The following SCAP variants were observed in gnomAD, a reference collection of about 807,000 sequenced individuals.
SCAP encodes sterol regulatory element-binding protein cleavage-activating protein.
Under a neutral mutation model 123.6 loss-of-function variants are expected in SCAP, and 65 were observed. That is an observed-to-expected ratio of 0.53 (90% confidence interval 0.43 to 0.65). The LOEUF (loss-of-function observed/expected upper bound fraction) is 0.65, where lower values mean the gene tolerates loss of function less well. SCAP is among the 30% of genes least tolerant of loss of function. The probability of loss-of-function intolerance (pLI) is 0.00; values close to 1 mark genes in which losing one functional copy is unlikely to be tolerated. For synonymous variants in SCAP, 740 were observed against 726.3 expected, an observed-to-expected ratio of 1.02 and a Z score of -0.30; for missense variants, 1,398 against 1,712.5, an observed-to-expected ratio of 0.82 and a Z score of 3.24.
chr3:47,422,673 C>A, intron 9 of SCAP, 137 bp from the exon 10 acceptor site: 2 of 646,932 alleles, frequency 3.1e-6, no homozygotes, highest in Admixed American at 2.9e-5. Flanking sequence ...CACCAAAGCA[C>A]CCCAACCCTC....
chr3:47,465,274 G>A (rs1034391950), intron 1 of SCAP, among the ~76,000 whole-genome samples: 2 of 151,742 alleles, frequency 1.3e-5, no homozygotes, highest in African/African-American at 2.4e-5. Context: ...AGGTTCAAGC[G>A]ATTCTCCTGT....
At position 47,413,780 on chromosome 3, in the gene SCAP, C is replaced by A. The variant is rs1705418966; in HGVS notation, c.*74G>T. The A allele has an allele frequency of 6.5e-7, 1 of 1,540,444 alleles. No individual in the cohort carries two copies. ...CGGCTGGAAGATACTCGGCTCTTTCCCCCAAGTCCAGGTTCAGTGCATTGG... is the reference window on the plus strand; with the variant it reads ...CGGCTGGAAGATACTCGGCTCTTTCACCCAAGTCCAGGTTCAGTGCATTGG... On this transcript the variant is annotated 3_prime_UTR_variant, in exon 23 of 23. Coordinates refer to ENST00000265565, the MANE Select transcript of SCAP (RefSeq NM_012235.4).
chr3:47,435,241 A>T, intron 2 of SCAP, 104 bp from the exon 3 acceptor site: 1 of 1,312,236 alleles, frequency 7.6e-7, no homozygotes, highest in South Asian at 1.6e-5. Flanking sequence ...TTCTGTCAGG[A>T]CTGTACAAAT....
In SCAP at chr3:47,425,502, C is replaced by G. The variant is rs754116527; in HGVS notation, c.1020G>C (p.Thr340=). ...GGACCTACCCGCCATTGAGGGTGGGCGTCAGGCCGAAGAGTGTGCAGAGTC... is the reference window on the plus strand; with the variant it reads ...GGACCTACCCGCCATTGAGGGTGGGGGTCAGGCCGAAGAGTGTGCAGAGTC... The part of the protein sequence containing the change: ...SVGLCTLFGL[T]PTLNGGEIFP... Residue 340 remains threonine (T), a synonymous_variant, in exon 8 of 23, where the codon ACG becomes ACC. Coordinates refer to ENST00000265565, the MANE Select transcript of SCAP (RefSeq NM_012235.4). The G allele has an allele frequency of 1.1e-5, 18 of 1,613,620 alleles. No individual in the cohort carries two copies. The highest frequency in any genetic ancestry group is 1.4e-5 in the Non-Finnish European group (16 of 1,180,036).
At chr3:47,468,495 T>C (rs1359966326) in intron 1 of SCAP, among the ~76,000 whole-genome samples, 1 of 152,246 alleles carries the variant, frequency 6.6e-6, no homozygotes, top group East Asian at 1.9e-4. Flanking sequence ...TTCATGTGTC[T>C]GTTGGCTGCA....
chr3:47,441,003 G>T (rs1454920328), intron 2 of SCAP, among the ~76,000 whole-genome samples: 2 of 151,710 alleles, frequency 1.3e-5, no homozygotes, highest in East Asian at 3.9e-4. Flanking sequence ...CCGGGTTCAA[G>T]TGATTCTCCT....
At chr3:47,425,698 C>A in intron 7 of SCAP, 87 bp from the exon 8 acceptor site, 4 of 1,455,344 alleles carry the variant, frequency 2.7e-6, no homozygotes, top group Middle Eastern at 3.6e-4. Flanking sequence ...CCCTGACAGT[C>A]GAGGAAGGGA....
intron 1 of SCAP, among the ~76,000 whole-genome samples, chr3:47,453,708 C>T (rs986197198): frequency 1.7e-4 from 26 of 152,062 alleles, no homozygotes; most frequent in Admixed American, 5.9e-4. Flanking sequence ...GTAATACGCC[C>T]CCATGTTACC....
At chr3:47,444,195 T>G (rs1317861899) in intron 1 of SCAP, among the ~76,000 whole-genome samples, 1 of 152,184 alleles carries the variant, frequency 6.6e-6, no homozygotes, top group Non-Finnish European at 1.5e-5. Flanking sequence ...TACTGAGCCC[T>G]CTGATGGAAT....
intron 16 of SCAP, 39 bp from the exon 17 acceptor site, chr3:47,417,865 G>C: frequency 2.2e-6 from 2 of 914,438 alleles, no homozygotes; most frequent in Non-Finnish European, 3.0e-6. Flanking sequence ...GGGCACGGGG[G>C]AGGGGGGTGA....
In SCAP at chr3:47,414,172, C is replaced by T; in HGVS notation, c.3594+8G>A. The T allele has an allele frequency of 6.2e-7, 1 of 1,613,720 alleles. No individual in the cohort carries two copies. The highest frequency in any genetic ancestry group is 1.3e-5 in the African/African-American group (1 of 75,048). ...TCCCAAGAATCCTATGATCCCCATC[C>T]CCTCTACCTGCTGAATGGAGTAGAA... is the stretch of plus-strand genomic sequence containing the variant. On this transcript the variant is annotated splice_region_variant and intron_variant, in intron 22 of 22. Transcript: ENST00000265565.
At chr3:47,417,900 A>AGGGGGCGGGGGAGACGTGAGC in intron 16 of SCAP, 74 bp from the exon 17 acceptor site, 1 of 262,552 alleles carries the variant, frequency 3.8e-6, no homozygotes, top group Non-Finnish European at 6.8e-6. Context: ...CGGGGGTGAG[A>AGGGGGCGGGGGAGACGTGAGC]GGGGGCGTGG....
intron 1 of SCAP, among the ~76,000 whole-genome samples, chr3:47,472,500 TAAAC>T (rs1346336603): frequency 6.6e-6 from 1 of 150,662 alleles, no homozygotes; most frequent in Non-Finnish European, 1.5e-5. Context: ...GAAGCTGAAA[TAAAC>T]AGGAAAATTA....
chr3:47,457,305 A>G (rs1707463092), intron 1 of SCAP, among the ~76,000 whole-genome samples: 1 of 152,186 alleles, frequency 6.6e-6, no homozygotes. Flanking sequence ...AGCTGAAATT[A>G]AAAAATAATG....
At chr3:47,427,287 T>C (rs1559547839) in intron 5 of SCAP, 25 bp from the exon 6 acceptor site, 4 of 1,597,526 alleles carry the variant, frequency 2.5e-6, no homozygotes, top group Non-Finnish European at 3.4e-6. Flanking sequence ...CAGCAGGTAC[T>C]GACACAGAAA....
intron 8 of SCAP, 36 bp from the exon 9 acceptor site, chr3:47,424,081 G>T (rs1462827330): frequency 6.5e-7 from 1 of 1,533,756 alleles, no homozygotes; most frequent in East Asian, 2.3e-5. Flanking sequence ...GGACAGTGTT[G>T]TGGTGGTTCC....
rs942140688 is a variant in SCAP, at chr3:47,475,881, GC to G, written c.-182del. The G allele has an allele frequency of 7.5e-4, 120 of 159,868 alleles. No homozygotes were observed. Among genetic ancestry groups the G allele is most frequent in the African/African-American group, 2.8e-3 (117 of 41,488 alleles). The allele number at this position is 159,868 out of a possible 1,614,324, so 9.9% of individuals were successfully genotyped here. A position where few individuals can be genotyped will look rare whatever the true frequency, so the allele number is the denominator to read the frequency against. ...AGCAGGGGCGGAGCGCGGCGTGCGC[GC>G]TCTCGGCCCGCAGTCCGGTGCGTGG... On this transcript the variant is annotated 5_prime_UTR_variant, in exon 1 of 23. Transcript: ENST00000265565.
chr3:47,456,180 A>G (rs541831663), intron 1 of SCAP, among the ~76,000 whole-genome samples: 8 of 152,214 alleles, frequency 5.3e-5, no homozygotes, highest in Admixed American at 5.2e-4. Flanking sequence ...AGGCAGACAG[A>G]TCACTTGAAC....
intron 9 of SCAP, among the ~76,000 whole-genome samples, chr3:47,423,396 C>T (rs1705993096): frequency 6.6e-6 from 1 of 152,226 alleles, no homozygotes; most frequent in Non-Finnish European, 1.5e-5. Context: ...AGGCGCTAAA[C>T]TCCCCAGACA....
Sources: gnomAD v4.1 joint callset for allele counts (sites outside exome capture counted in the v4.1 genomes callset) on GRCh38, gnomAD v4.1.1 for gene constraint, MANE v1.5 for transcripts, NCBI Gene and HGNC (gene_info 2026-07-23, HGNC 2026-07-21) for gene names.